The following AGO3 variants were observed in gnomAD, a reference collection of about 807,000 sequenced individuals.
AGO3 encodes the protein protein argonaute-3.
In AGO3, 16 loss-of-function variants were observed where a neutral mutation model predicts 105.5. The observed-to-expected ratio is 0.15, with a 90% CI of 0.10 to 0.23. AGO3 has a LOEUF of 0.23. Ranked by LOEUF, AGO3 falls within the 10% of genes least tolerant of loss-of-function variation. AGO3 has a pLI of 1.00. For synonymous variants in AGO3, 340 were observed against 367.3 expected (o/e 0.93, Z 0.85); for missense variants, 534 against 1,088.0 (o/e 0.49, Z 7.16).
At chr1:35,937,386 CAA>C (rs59539094) in intron 1 of AGO3, among the ~76,000 whole-genome samples, 8 of 130,550 alleles carry the variant, frequency 6.1e-5, no homozygotes, top group Admixed American at 1.5e-4. Context: ...CTGGGCAACT[CAA>C]AAAAAAAAAA....
intron 16 of AGO3, among the ~76,000 whole-genome samples, chr1:36,042,852 A>G (rs914350520): frequency 8.5e-5 from 13 of 152,150 alleles, no homozygotes; most frequent in African/African-American, 3.1e-4. Flanking sequence ...CATTGTTTGA[A>G]TCCCAGTTCT....
chr1:36,045,677 G>T (rs1378287205), intron 17 of AGO3, among the ~76,000 whole-genome samples: 2 of 151,970 alleles, frequency 1.3e-5, no homozygotes, highest in Non-Finnish European at 2.9e-5. Context: ...GGAGTAGCTG[G>T]AATTATAGGC....
At chr1:36,017,084 CA>C (rs966654210) in intron 11 of AGO3, among the ~76,000 whole-genome samples, 1 of 152,202 alleles carries the variant, frequency 6.6e-6, no homozygotes, top group Non-Finnish European at 1.5e-5. Flanking sequence ...TCCTCATGCT[CA>C]TACATTTCTT....
At chr1:35,970,887 A>G (rs974264052) in intron 3 of AGO3, among the ~76,000 whole-genome samples, 3 of 151,242 alleles carry the variant, frequency 2.0e-5, no homozygotes, top group Non-Finnish European at 1.5e-5. Flanking sequence ...GCACCACCAC[A>G]CCTGGCTAAT....
Position 36,061,527 on chromosome 1 carries a change from G to T in AGO3, c.*5782G>T, listed in dbSNP as rs922500722. ...AAGGATGGTAAATTCAATATAGAGG[G>T]TTGAGATTTACCAGTGAGAAACCCT... On this transcript the variant is annotated 3_prime_UTR_variant, in exon 19 of 19. Transcript: ENST00000373191. The T allele has an allele frequency of 6.6e-6, 1 of 152,134 alleles. No homozygotes were observed. The highest frequency in any genetic ancestry group is 1.5e-5 in the Non-Finnish European group (1 of 68,020). The allele number at this position is 152,134 out of a possible 1,614,324, so 9.4% of individuals were successfully genotyped here.
chr1:36,001,584 G>A (rs1232716529), intron 5 of AGO3, among the ~76,000 whole-genome samples: 3 of 152,144 alleles, frequency 2.0e-5, no homozygotes, highest in Non-Finnish European at 4.4e-5. Flanking sequence ...CTGTAACATA[G>A]TGTGCAGCAA....
chr1:35,930,864 A>G (rs1044539719), upstream of AGO3: 1 of 216,830 alleles, frequency 4.6e-6, no homozygotes, highest in Non-Finnish European at 9.0e-6. Context: ...CACCGCCCCC[A>G]CTCGTGCGGC....
rs977072732 is a variant in AGO3, at chr1:35,972,513, A to G, written c.521+281A>G. Reference sequence around the variant, plus strand: ...AGGATCTAAAAGTCTTAACAGATCTATTTTCAGATGTATTTATTTAGTTAT... The same window carrying G: ...AGGATCTAAAAGTCTTAACAGATCTGTTTTCAGATGTATTTATTTAGTTAT... On this transcript the variant is annotated intron_variant, in intron 4 of 18. Transcript: ENST00000373191. Among the ~76,000 whole-genome samples the G allele has an allele frequency of 2.6e-5, 4 of 152,280 alleles. No homozygotes were observed. The East Asian group carries it at 7.7e-4, about 29-fold the overall frequency.
chr1:35,996,376 AAACGT>A (rs1639811222), intron 5 of AGO3, among the ~76,000 whole-genome samples: 1 of 152,184 alleles, frequency 6.6e-6, no homozygotes, highest in African/African-American at 2.4e-5. Flanking sequence ...CACATTTGCA[AAACGT>A]AACAGAACAA....
chr1:35,945,942 T>A, intron 2 of AGO3, 79 bp downstream of exon 2: 2 of 1,406,082 alleles, frequency 1.4e-6, no homozygotes, highest in Non-Finnish European at 1.9e-6. Context: ...TATATCTGAA[T>A]AACAATTACA....
chr1:36,024,109 T>C (rs1336508977), intron 11 of AGO3, among the ~76,000 whole-genome samples: 1 of 151,944 alleles, frequency 6.6e-6, no homozygotes, highest in Non-Finnish European at 1.5e-5. Context: ...TTCTTAGCCA[T>C]TATTTTTCTC....
At chr1:36,004,112 C>G in intron 5 of AGO3, 1 of 390,504 alleles carries the variant, frequency 2.6e-6, no homozygotes. Flanking sequence ...TGGAATGAAT[C>G]AGTTACTTAC....
chr1:35,997,777 A>G (rs1328749931), intron 5 of AGO3, among the ~76,000 whole-genome samples: 5 of 151,622 alleles, frequency 3.3e-5, no homozygotes, highest in African/African-American at 7.3e-5. Flanking sequence ...GCTCAATGCA[A>G]CCTCCTCCTC....
chr1:36,033,263 G>C (rs1274177443), intron 12 of AGO3, among the ~76,000 whole-genome samples: 2 of 152,074 alleles, frequency 1.3e-5, no homozygotes, highest in African/African-American at 4.8e-5. Flanking sequence ...CTTGAACCCA[G>C]GAGGCAGAGG....
chr1:35,945,579 A>G (rs1646348255), intron 1 of AGO3, 113 bp from the exon 2 acceptor site: 2 of 1,008,262 alleles, frequency 2.0e-6, no homozygotes, highest in South Asian at 3.4e-5. Context: ...ATCTTGCAGA[A>G]CTAGGTTTTA....
chr1:36,038,704 G>C (rs1425427125), intron 14 of AGO3, among the ~76,000 whole-genome samples: 1 of 152,146 alleles, frequency 6.6e-6, no homozygotes, highest in Non-Finnish European at 1.5e-5. Flanking sequence ...AATGTTATAA[G>C]TTCATGCTTT....
chr1:35,974,401 A>G (rs1290358385), intron 5 of AGO3, among the ~76,000 whole-genome samples: 1 of 152,014 alleles, frequency 6.6e-6, no homozygotes, highest in East Asian at 1.9e-4. Flanking sequence ...AAACTGGGTC[A>G]CTTGTTCTGT....
At chr1:36,049,191 A>G (rs1446889180) in intron 17 of AGO3, among the ~76,000 whole-genome samples, 3 of 152,096 alleles carry the variant, frequency 2.0e-5, no homozygotes, top group Non-Finnish European at 2.9e-5. Context: ...AACACTGTGG[A>G]CTACTAGAGA....
intron 5 of AGO3, among the ~76,000 whole-genome samples, chr1:36,001,375 AAAC>A (rs1222027967): frequency 6.6e-6 from 1 of 152,344 alleles, no homozygotes; most frequent in East Asian, 1.9e-4. Context: ...TAATAGTAAA[AAAC>A]AACCCATAAC....
Sources: allele counts gnomAD v4.1 joint callset (sites outside exome capture counted in the v4.1 genomes callset), GRCh38; gene constraint gnomAD v4.1.1; transcripts MANE v1.5; gene names NCBI Gene and HGNC (gene_info 2026-07-23, HGNC 2026-07-21).